Variants in MASP1 observed in about 807,000 individuals in gnomAD.
The protein encoded by MASP1 is MBL associated serine protease 1, also known as mannan-binding lectin serine protease 1.
A neutral mutation model predicts 77.1 loss-of-function variants in MASP1; 59 were observed. The observed-to-expected ratio is 0.77, with a 90% CI of 0.62 to 0.95. The LOEUF is 0.95. Ranked by LOEUF, MASP1 falls within the 40% of genes least tolerant of loss-of-function variation. The pLI is 0.00. For missense variants in MASP1, 885 were observed against 912.9 expected (o/e 0.97, Z 0.39); for synonymous variants, 362 against 354.5 (o/e 1.02, Z -0.24).
chr3:187,222,680 G>GTTTT (rs60117293), intron 14 of MASP1, among the ~76,000 whole-genome samples: 1 of 139,974 alleles, frequency 7.1e-6, no homozygotes, highest in Admixed American at 7.1e-5. Flanking sequence ...TTAGTTAAGT[G>GTTTT]TTTTTTTTTT....
intron 5 of MASP1, 150 bp from the exon 6 acceptor site, chr3:187,253,465 T>A: frequency 1.3e-6 from 1 of 769,528 alleles, no homozygotes; most frequent in Non-Finnish European, 2.3e-6. Flanking sequence ...TTAGTGAGCC[T>A]TACCATTCAC....
At chr3:187,286,162 G>T in intron 1 of MASP1, 106 bp from the exon 2 acceptor site, 2 of 913,416 alleles carry the variant, frequency 2.2e-6, no homozygotes, top group Non-Finnish European at 3.5e-6. Flanking sequence ...TCTGTCTCTG[G>T]CCTGCCGTAA....
At chr3:187,273,462 G>T (rs1294458039) in intron 2 of MASP1, among the ~76,000 whole-genome samples, 1 of 152,188 alleles carries the variant, frequency 6.6e-6, no homozygotes, top group South Asian at 2.1e-4. Context: ...TTAAGTCTAG[G>T]AATTTCTCTC....
downstream of MASP1, among the ~76,000 whole-genome samples, chr3:187,229,570 C>T (rs16861758): frequency 1.3e-4 from 20 of 152,292 alleles, no homozygotes; most frequent in African/African-American, 4.1e-4. Context: ...GGTTGAGAGA[C>T]TCCCTGACTT....
downstream of MASP1, chr3:187,229,978 C>G: frequency 6.6e-7 from 1 of 1,514,476 alleles, no homozygotes; most frequent in Non-Finnish European, 9.1e-7. Context: ...AGCTCCTCAC[C>G]CTGTTAGGAA....
chr3:187,233,721 T>C (rs1304759740), downstream of MASP1, among the ~76,000 whole-genome samples: 1 of 152,222 alleles, frequency 6.6e-6, no homozygotes, highest in Non-Finnish European at 1.5e-5. Context: ...CTGCAGGGCA[T>C]CTGACAAGGT....
At chr3:187,223,658 A>G (rs911745555) in intron 13 of MASP1, among the ~76,000 whole-genome samples, 1 of 152,200 alleles carries the variant, frequency 6.6e-6, no homozygotes, top group Non-Finnish European at 1.5e-5. Context: ...TATCCATAAA[A>G]TGAGGAGGCT....
chr3:187,226,332 C>G, intron 12 of MASP1: 1 of 1,099,746 alleles, frequency 9.1e-7, no homozygotes, highest in Non-Finnish European at 1.4e-6. Flanking sequence ...AGCAGACACG[C>G]CTTGGAAAGG....
At chr3:187,281,208 C>T (rs1717383149) in intron 2 of MASP1, among the ~76,000 whole-genome samples, 1 of 152,230 alleles carries the variant, frequency 6.6e-6, no homozygotes, top group African/African-American at 2.4e-5. Flanking sequence ...AGACCAAGAA[C>T]TGTGGGAAAT....
intron 2 of MASP1, among the ~76,000 whole-genome samples, chr3:187,279,468 A>G (rs1560034294): frequency 6.6e-6 from 1 of 150,866 alleles, no homozygotes; most frequent in Non-Finnish European, 1.5e-5. Flanking sequence ...TCTTTTTTTT[A>G]CACCCCCAAA....
At chr3:187,263,464 G>A (rs1715772697) in intron 2 of MASP1, among the ~76,000 whole-genome samples, 1 of 152,186 alleles carries the variant, frequency 6.6e-6, no homozygotes, top group Admixed American at 6.5e-5. Context: ...TAGCCAGGGA[G>A]TCTGTGGGGA....
At chr3:187,220,272 AAG>A (rs1412535086) in intron 15 of MASP1, 1 of 1,613,226 alleles carries the variant, frequency 6.2e-7, no homozygotes, top group East Asian at 2.2e-5. Flanking sequence ...CTAGGTGAAA[AAG>A]AGACATAGAT....
intron 2 of MASP1, among the ~76,000 whole-genome samples, chr3:187,280,050 T>TAG (rs1717286101): frequency 1.3e-5 from 2 of 152,188 alleles, no homozygotes; most frequent in South Asian, 4.1e-4. Flanking sequence ...CTTCATTCCA[T>TAG]AGACAATGGG....
In MASP1 at chr3:187,250,327, A is replaced by T; in HGVS notation, c.1014T>A (p.Asp338Glu). 1.2e-6 allele frequency: 2 copies of T among 1,611,324 alleles called. No individual in the cohort carries two copies. The highest frequency in any genetic ancestry group is 8.5e-7 in the Non-Finnish European group (1 of 1,177,442). ...TCTGGAATGTGTCCATCTCCACATT[A>T]TCCTGGGAAGAGACAGGAAGAAGGG... is the stretch of plus-strand genomic sequence containing the variant. Reference protein sequence around the residue: ...SCDTGYKVLKDNVEMDTFQIE... With the variant: ...SCDTGYKVLKENVEMDTFQIE... The change falls in exon 8 of 11, where the codon GAT (aspartate) becomes GAA (glutamate). Residue 338 changes from aspartate (D) to glutamate (E), a missense_variant and splice_region_variant. Physicochemically the swap from Asp to Glu is conservative, Grantham distance 45. Transcript: ENST00000296280.
chr3:187,271,289 G>A (rs1057419507), intron 2 of MASP1, among the ~76,000 whole-genome samples: 1 of 152,028 alleles, frequency 6.6e-6, no homozygotes, highest in Admixed American at 6.6e-5. Context: ...GTTATCTGTT[G>A]GTTCCATATC....
intron 2 of MASP1, among the ~76,000 whole-genome samples, chr3:187,268,127 G>A (rs987651027): frequency 5.3e-5 from 8 of 152,192 alleles, no homozygotes; most frequent in Admixed American, 5.2e-4. Flanking sequence ...CAGACCACTT[G>A]AATAATGCAA....
At chr3:187,229,057 G>T (rs1712609875) in intron 11 of MASP1, among the ~76,000 whole-genome samples, 1 of 152,236 alleles carries the variant, frequency 6.6e-6, no homozygotes, top group African/African-American at 2.4e-5. Flanking sequence ...CGATGCAGAA[G>T]TGGTCTAGAT....
intron 10 of MASP1, among the ~76,000 whole-genome samples, chr3:187,237,861 A>C (rs1164894549): frequency 6.6e-6 from 1 of 152,146 alleles, no homozygotes; most frequent in Non-Finnish European, 1.5e-5. Flanking sequence ...GGAACATTTG[A>C]GTTTTCTTGG....
At chr3:187,230,808 G>A (rs1477395562), downstream of MASP1, among the ~76,000 whole-genome samples, 1 of 152,226 alleles carries the variant, frequency 6.6e-6, no homozygotes, top group East Asian at 1.9e-4. Context: ...CCATGAGTTA[G>A]TAGCAAGACT....
Sources: gnomAD v4.1 joint callset for allele counts (sites outside exome capture counted in the v4.1 genomes callset) on GRCh38, gnomAD v4.1.1 for gene constraint, MANE v1.5 for transcripts, NCBI Gene and HGNC (gene_info 2026-07-23, HGNC 2026-07-21) for gene names.